Variants in TOPORS observed in about 807,000 individuals in gnomAD.
TOPORS encodes E3 ubiquitin-protein ligase Topors.
Under a neutral mutation model 81.4 loss-of-function variants are expected in TOPORS, and 25 were observed. The ratio of observed to expected loss-of-function variants is 0.31; its 90% CI spans 0.22 to 0.43. The LOEUF is 0.43. Among genes scored for constraint, TOPORS ranks in the 20% least tolerant of loss-of-function variants. The pLI, the probability that TOPORS is intolerant of heterozygous loss-of-function variation, is 1.00. For missense variants in TOPORS, 1,101 were observed against 1,267.0 expected (o/e 0.87, Z 1.99); for synonymous variants, 473 against 456.6 (o/e 1.04, Z -0.46).
chr9:32,541,556 G>A lies in TOPORS; in HGVS notation c.2969C>T (p.Ala990Val). The part of the protein sequence containing the change: ...KTVDNIPPLA[A>V]SVEQTLDVRE... ...TACATCGAGAGTTTGTTCAACTGAAGCTGCCAGAGGTGGAATATTATCTAC... is the reference window on the plus strand; with the variant it reads ...TACATCGAGAGTTTGTTCAACTGAAACTGCCAGAGGTGGAATATTATCTAC... The change falls in exon 3 of 3, where the codon GCT becomes GTT. Residue 990 changes from alanine to valine, a missense_variant. This residue lies in a region of TOPORS where 605 missense variants were observed against 636.1 expected (regional missense o/e 0.95). Transcript: ENST00000360538. The A allele has an allele frequency of 6.2e-7, 1 of 1,614,198 alleles. No homozygotes were observed. The highest frequency in any genetic ancestry group is 8.5e-7 in the Non-Finnish European group (1 of 1,180,016).
Position 32,543,939 on chromosome 9 carries a change from T to G in TOPORS, c.586A>C (p.Ser196Arg). Reference sequence around the variant, plus strand: ...GTTGTTCTTCTGTTCACAGGACCACTAGGTGAATACACAGAAGCATTTCGT... The same window carrying G: ...GTTGTTCTTCTGTTCACAGGACCACGAGGTGAATACACAGAAGCATTTCGT... ...RERNASVYSP[S>R]GPVNRRTTTP... Residue 196 changes from serine (S) to arginine (R), a missense_variant, in exon 3 of 3, where the codon AGT becomes CGT. By Grantham distance (110) the Ser-to-Arg change is moderately radical. Around this residue, in one of 9 missense-constraint regions of TOPORS, gnomAD observed 120 missense variants for 115.4 expected, o/e 1.04. Coordinates refer to ENST00000360538, the MANE Select transcript of TOPORS (RefSeq NM_005802.5). The surrounding 1 kb of genome is among the most constrained non-coding windows in gnomAD (Gnocchi z 5.6). 1 of 1,614,096 alleles carries G rather than the reference T, an allele frequency of 6.2e-7. No homozygotes were observed. The highest frequency in any genetic ancestry group is 1.1e-5 in the South Asian group (1 of 91,074).
In TOPORS at chr9:32,541,807, A is replaced by T. The variant is rs768028464; in HGVS notation, c.2718T>A (p.Val906=). 6.2e-7 allele frequency: 1 copy of T among 1,614,204 alleles called. No homozygotes were observed. The highest frequency in any genetic ancestry group is 1.1e-5 in the South Asian group (1 of 91,084). The change falls in exon 3 of 3, where the codon GTT becomes GTA. Residue 906 remains valine, a synonymous_variant. Coordinates refer to ENST00000360538, the MANE Select transcript of TOPORS (RefSeq NM_005802.5). ...HHGDNASRSP[V]VITIDSDSDK... ...CACTGTCACTGTCAATGGTAATTAC[A>T]ACTGGGGAACGTGAAGCATTATCTC...
In TOPORS at chr9:32,541,830, C is replaced by G. The variant is rs138266918; in HGVS notation, c.2695G>C (p.Asp899His). 1.9e-6 allele frequency: 3 copies of G among 1,614,034 alleles called. No homozygotes were observed. The African/African-American group carries it at 4.0e-5, about 22-fold the overall frequency. The part of the protein sequence containing the change: ...HKKKHKKHHG[D>H]NASRSPVVIT... ...ACAACTGGGGAACGTGAAGCATTAT[C>G]TCCATGGTGTTTCTTATGCTTCTTC... The change falls in exon 3 of 3, where the codon GAT becomes CAT. Residue 899 changes from aspartate (D) to histidine (H), a missense_variant. Physicochemically the swap from Asp to His is moderately conservative, Grantham distance 81. Coordinates refer to ENST00000360538, the MANE Select transcript of TOPORS (RefSeq NM_005802.5).
chr9:32,540,988 T>C lies in TOPORS; in HGVS notation c.*399A>G, dbSNP rs1361376138. On this transcript the variant is annotated 3_prime_UTR_variant, in exon 3 of 3. Coordinates refer to ENST00000360538, the MANE Select transcript of TOPORS (RefSeq NM_005802.5). The stretch of plus-strand genomic sequence containing the variant: ...GAAAAATAAAGACTGTCCAAAGGGA[T>C]TCTCCTAGCTTATAACACATTTCCA... 1 of 162,008 alleles carries C rather than the reference T, an allele frequency of 6.2e-6. No individual in the cohort carries two copies. Among genetic ancestry groups the C allele is most frequent in the Non-Finnish European group, 1.4e-5 (1 of 73,590 alleles). The allele number at this position is 162,008 out of a possible 1,614,324, so 10.0% of individuals were successfully genotyped here. A position where few individuals can be genotyped will look rare whatever the true frequency, so the allele number is the denominator to read the frequency against.
At chr9:32,547,770 T>C (rs1821159250) in intron 2 of TOPORS, among the ~76,000 whole-genome samples, 1 of 152,198 alleles carries the variant, frequency 6.6e-6, no homozygotes, top group Admixed American at 6.5e-5. Context: ...ACTCTGTAAA[T>C]ATACTAAAAA....
rs765671154 is a variant in TOPORS, at chr9:32,544,139, T to C, written c.386A>G (p.Gln129Arg). 2 of 1,614,164 alleles carry C rather than the reference T, an allele frequency of 1.2e-6. No individual in the cohort carries two copies. The highest frequency in any genetic ancestry group is 2.2e-5 in the East Asian group (1 of 44,890). ...CLHKFCFRCV[Q>R]EWSKNKAECP... ...TTCAGCTTTGTTTTTTGACCACTCC[T>C]GTACACAGCGAAAACAGAACTTATG... Residue 129 changes from glutamine (Q) to arginine (R), a missense_variant, in exon 3 of 3, where the codon CAG (glutamine) becomes CGG (arginine). This residue lies in a region of TOPORS where 48 missense variants were observed against 73.3 expected (regional missense o/e 0.65). Transcript: ENST00000360538.
In TOPORS at chr9:32,543,852, C is replaced by A; in HGVS notation, c.673G>T (p.Val225Phe). The A allele has an allele frequency of 1.2e-6, 2 of 1,614,172 alleles. No homozygotes were observed. Among genetic ancestry groups the A allele is most frequent in the Non-Finnish European group, 1.7e-6 (2 of 1,180,022 alleles). The change falls in exon 3 of 3, where the codon GTT (valine) becomes TTT (phenylalanine). Residue 225 changes from valine to phenylalanine, a missense_variant. By Grantham distance (50) the Val-to-Phe change is conservative. Transcript: ENST00000360538. This position sits in a 1 kb window ranked among gnomAD's most constrained non-coding sequence, Gnocchi z 5.6. ...GLGISTRPRD[V>F]EIPQFMRQIA... ...TGTCTCATAAACTGAGGAATTTCAA[C>A]ATCTCTAGGTCTTGTTGAAATGCCT...
chr9:32,550,872 C>G lies in TOPORS; in HGVS notation c.100G>C (p.Val34Leu). ...ASEGRRRSRRVRLRGSCRHRP... is the reference protein window; with the variant it reads ...ASEGRRRSRRLRLRGSCRHRP... ...TGTCGGCAGGATCCGCGAAGGCGTA[C>G]CCGGCGACTTCTCCGCCTACCCTCC... Residue 34 changes from valine to leucine, a missense_variant, in exon 2 of 3, where the codon GTA becomes CTA. This residue lies in a region of TOPORS where 131 missense variants were observed against 101.0 expected (regional missense o/e 1.30). Transcript: ENST00000360538. The G allele has an allele frequency of 6.2e-7, 1 of 1,613,082 alleles. No homozygotes were observed.
intron 1 of TOPORS, chr9:32,551,881 AG>A (rs1294991854): frequency 7.5e-6 from 3 of 397,698 alleles, no homozygotes; most frequent in Non-Finnish European, 1.6e-5. Context: ...CTCGATTTAC[AG>A]GGGTTCCCAC....
chr9:32,552,424 G>T lies in TOPORS; in HGVS notation c.3+10C>A. The T allele has an allele frequency of 6.2e-7, 1 of 1,609,394 alleles. No individual in the cohort carries two copies. Among genetic ancestry groups the T allele is most frequent in the Non-Finnish European group, 8.5e-7 (1 of 1,178,298 alleles). ...CCGCCAGCTCCCGCGGACTGCTGCCGCCTCCTTACCATGAAGCCAGTAAGT... is the reference window on the plus strand; with the variant it reads ...CCGCCAGCTCCCGCGGACTGCTGCCTCCTCCTTACCATGAAGCCAGTAAGT... On this transcript the variant is annotated intron_variant, in intron 1 of 2. Coordinates refer to ENST00000360538, the MANE Select transcript of TOPORS (RefSeq NM_005802.5).
At chr9:32,552,312 A>C in intron 1 of TOPORS, 122 bp downstream of exon 1, 1 of 1,398,638 alleles carries the variant, frequency 7.1e-7, no homozygotes, top group Non-Finnish European at 9.9e-7. Context: ...GCACGAAGCG[A>C]GTGGGCGGGC....
rs1438540770 is a variant in TOPORS at position 32,541,691 on chromosome 9, T to G, written c.2834A>C (p.Glu945Ala). The G allele has an allele frequency of 6.2e-7, 1 of 1,614,164 alleles. No individual in the cohort carries two copies. Among genetic ancestry groups the G allele is most frequent in the Non-Finnish European group, 8.5e-7 (1 of 1,180,024 alleles). The change falls in exon 3 of 3, where the codon GAA becomes GCA. Residue 945 changes from glutamate to alanine, a missense_variant. Glu to Ala is a moderately radical substitution (Grantham distance 107). Transcript: ENST00000360538. The part of the protein sequence containing the change: ...LQNEFLAPSL[E>A]PFETKDVVTI... Reference sequence around the variant, plus strand: ...AACTACATCTTTAGTTTCAAATGGTTCCAAGGAAGGAGCCAAAAACTCATT... The same window carrying G: ...AACTACATCTTTAGTTTCAAATGGTGCCAAGGAAGGAGCCAAAAACTCATT...
chr9:32,544,669 C>G (rs1821118871), intron 2 of TOPORS, among the ~76,000 whole-genome samples: 2 of 152,040 alleles, frequency 1.3e-5, no homozygotes, highest in Non-Finnish European at 2.9e-5. Flanking sequence ...AGAAAAGGCA[C>G]CTGCTACATA....
intron 1 of TOPORS, 36 bp from the exon 2 acceptor site, chr9:32,551,004 G>A (rs779811319): frequency 1.2e-6 from 2 of 1,603,480 alleles, no homozygotes; most frequent in African/African-American, 1.3e-5. Context: ...ATGGCAGCTC[G>A]GAAGCAGGGC....
chr9:32,545,086 T>C (rs1032080651), intron 2 of TOPORS, among the ~76,000 whole-genome samples: 3 of 152,232 alleles, frequency 2.0e-5, no homozygotes, highest in Non-Finnish European at 4.4e-5. Flanking sequence ...AGAGGAAACT[T>C]TTAGTGAAGA....
At position 32,550,805 on chromosome 9, in the gene TOPORS, G is replaced by T. The variant is rs753950095; in HGVS notation, c.167C>A (p.Ala56Asp). ...FLGCRELAAS[A>D]PARPAPASSE... is the part of the protein sequence containing the mutation. ...GGATGCCGGCGCAGGCCTGGCTGGGGCGCTCGCCGCGAGCTCCCGGCAGCC... is the reference window on the plus strand; with the variant it reads ...GGATGCCGGCGCAGGCCTGGCTGGGTCGCTCGCCGCGAGCTCCCGGCAGCC... Residue 56 changes from alanine (A) to aspartate (D), a missense_variant, in exon 2 of 3, where the codon GCC becomes GAC. By Grantham distance (126) the Ala-to-Asp change is moderately radical (BLOSUM62 -2). This residue lies in a region of TOPORS where 131 missense variants were observed against 101.0 expected (regional missense o/e 1.30). Coordinates refer to ENST00000360538, the MANE Select transcript of TOPORS (RefSeq NM_005802.5). 1 of 1,612,592 alleles carries T rather than the reference G, an allele frequency of 6.2e-7. No individual in the cohort carries two copies. Among genetic ancestry groups the T allele is most frequent in the Non-Finnish European group, 8.5e-7 (1 of 1,179,670 alleles).
Position 32,550,861 on chromosome 9 carries a change from G to A in TOPORS, c.111C>T (p.Arg37=), listed in dbSNP as rs920978476. The change falls in exon 2 of 3, where the codon CGC becomes CGT. Residue 37 remains arginine (R), a synonymous_variant. Coordinates refer to ENST00000360538, the MANE Select transcript of TOPORS (RefSeq NM_005802.5). ...AGCTAGGTCGGTGTCGGCAGGATCC[G>A]CGAAGGCGTACCCGGCGACTTCTCC... The part of the protein sequence containing the change: ...GRRRSRRVRL[R]GSCRHRPSFL... 8.1e-6 allele frequency: 13 copies of A among 1,613,018 alleles called. No homozygotes were observed. Among genetic ancestry groups the A allele is most frequent in the Non-Finnish European group, 1.0e-5 (12 of 1,179,796 alleles).
At chr9:32,552,210 C>G in intron 1 of TOPORS, 29 of 521,770 alleles carry the variant, frequency 5.6e-5, no homozygotes, top group East Asian at 1.4e-4. Context: ...TTAACATTTT[C>G]TCGTTTATTC....
At position 32,541,731 on chromosome 9, in the gene TOPORS, G is replaced by A; in HGVS notation, c.2794C>T (p.Gln932Ter). 2.5e-6 allele frequency: 4 copies of A among 1,614,160 alleles called. No homozygotes were observed. Among genetic ancestry groups the A allele is most frequent in the Non-Finnish European group, 3.4e-6 (4 of 1,180,032 alleles). ...EDTECDNSGPQDPLQNEFLAP... is the reference protein window; with the variant it reads ...EDTECDNSGP ...AAAAACTCATTTTGTAGAGGGTCTT[G>A]AGGACCACTATTGTCACATTCTGTA... is the stretch of plus-strand genomic sequence containing the variant. The change falls in exon 3 of 3, where the codon CAA becomes TAA. Residue 932 changes from glutamine (Q) to a stop codon, truncating the protein, a stop_gained. Coordinates refer to ENST00000360538, the MANE Select transcript of TOPORS (RefSeq NM_005802.5). LOFTEE classifies it high-confidence loss of function.
Sources: gnomAD v4.1 joint callset for allele counts (sites outside exome capture counted in the v4.1 genomes callset) on GRCh38, gnomAD v4.1.1 for gene constraint, gnomAD v4.1.1 regional missense constraint, Gnocchi (gnomAD v3.1) non-coding constraint, MANE v1.5 for transcripts, NCBI Gene and HGNC (gene_info 2026-07-23, HGNC 2026-07-21) for gene names.